Variants in TENM3 observed in about 807,000 individuals in gnomAD.
TENM3 encodes teneurin transmembrane protein 3, also known as teneurin-3.
Under a neutral mutation model 255.1 loss-of-function variants are expected in TENM3, and 63 were observed. That is an observed-to-expected ratio of 0.25 (90% CI 0.20 to 0.30). TENM3 has a LOEUF of 0.30. Ranked by LOEUF, TENM3 falls within the 10% of genes least tolerant of loss-of-function variation. The probability of loss-of-function intolerance (pLI) is 1.00; values close to 1 mark genes in which losing one functional copy is unlikely to be tolerated. For synonymous variants in TENM3, 1,306 were observed against 1,322.3 expected (o/e 0.99, Z 0.27); for missense variants, 2,929 against 3,461.1 (o/e 0.85, Z 3.86).
the TENM3 span, among the ~76,000 whole-genome samples, chr4:182,100,876 G>C: frequency 7.6e-5 from 9 of 118,300 alleles, 4 homozygotes; most frequent in Admixed American, 1.8e-4. Context: ...TATATATATA[G>C]AGAGAGAGAG....
intron 3 of TENM3, among the ~76,000 whole-genome samples, chr4:182,583,163 T>C (rs1355960393): frequency 6.6e-6 from 1 of 152,234 alleles, no homozygotes; most frequent in Non-Finnish European, 1.5e-5. Context: ...ACATCAGCTG[T>C]GGAGATCTGG....
the TENM3 span, among the ~76,000 whole-genome samples, chr4:181,478,730 A>C: frequency 1.3e-5 from 2 of 152,194 alleles, no homozygotes; most frequent in Admixed American, 6.5e-5. Context: ...TAGATGACAC[A>C]TTATTAAAAC....
chr4:182,746,780 G>A (rs769351296), intron 19 of TENM3, among the ~76,000 whole-genome samples: 3 of 152,190 alleles, frequency 2.0e-5, no homozygotes, highest in Non-Finnish European at 4.4e-5. Context: ...TAAACGGAAG[G>A]AGAGAATGGA....
chr4:181,717,505 A>C, the TENM3 span, among the ~76,000 whole-genome samples: 1 of 152,178 alleles, frequency 6.6e-6, no homozygotes, highest in Non-Finnish European at 1.5e-5. Context: ...TCTGTGTGCA[A>C]ATTGAAAGAG....
the TENM3 span, among the ~76,000 whole-genome samples, chr4:181,581,165 G>C: frequency 6.6e-6 from 1 of 152,198 alleles, no homozygotes; most frequent in South Asian, 2.1e-4. Context: ...GTTCGAATGG[G>C]TGCAGTGAGT....
At chr4:181,740,500 T>C in the TENM3 span, among the ~76,000 whole-genome samples, 1 of 152,124 alleles carries the variant, frequency 6.6e-6, no homozygotes, top group East Asian at 1.9e-4. Context: ...AGCTGTAGTT[T>C]AAGAAAGTAT....
the TENM3 span, among the ~76,000 whole-genome samples, chr4:182,083,528 A>C: frequency 6.6e-5 from 10 of 152,314 alleles, no homozygotes; most frequent in South Asian, 1.9e-3. Context: ...GTAGAAGTGC[A>C]AGAAGTGGTA....
the TENM3 span, among the ~76,000 whole-genome samples, chr4:181,780,527 T>C: frequency 6.6e-6 from 1 of 152,222 alleles, no homozygotes; most frequent in Non-Finnish European, 1.5e-5. Flanking sequence ...TTGTAGATTC[T>C]GGATATTAGC....
chr4:181,490,006 C>T, the TENM3 span, among the ~76,000 whole-genome samples: 10 of 151,988 alleles, frequency 6.6e-5, no homozygotes, highest in Admixed American at 6.6e-4. Flanking sequence ...GGAAATATGA[C>T]CTATTTTAGT....
the TENM3 span, among the ~76,000 whole-genome samples, chr4:182,100,814 T>TATAC: frequency 7.0e-5 from 1 of 14,220 alleles, no homozygotes; most frequent in African/African-American, 2.7e-4. Context: ...TATACACATA[T>TATAC]ATATACACAT....
intron 3 of TENM3, among the ~76,000 whole-genome samples, chr4:182,480,480 G>A (rs1280560110): frequency 6.6e-6 from 1 of 151,954 alleles, no homozygotes; most frequent in Non-Finnish European, 1.5e-5. Flanking sequence ...AAGTGTGAAA[G>A]AATTGTTTTT....
chr4:182,747,118 C>A (rs1762063974), intron 19 of TENM3, among the ~76,000 whole-genome samples: 1 of 151,964 alleles, frequency 6.6e-6, no homozygotes, highest in Non-Finnish European at 1.5e-5. Context: ...AGGAACAGGT[C>A]ATAGGAAGAA....
intron 5 of TENM3, chr4:182,631,638 C>G (rs906020020): frequency 6.6e-6 from 1 of 152,088 alleles, no homozygotes; most frequent in African/African-American, 2.4e-5. Context: ...TCTGATAAAC[C>G]CCAGTATCAA....
intron 6 of TENM3, among the ~76,000 whole-genome samples, chr4:182,666,480 C>G (rs1754691894): frequency 6.6e-6 from 1 of 152,196 alleles, no homozygotes; most frequent in Non-Finnish European, 1.5e-5. Context: ...CCACCTTGAT[C>G]AATCAGCTGC....
the TENM3 span, among the ~76,000 whole-genome samples, chr4:181,813,351 G>A: frequency 6.6e-6 from 1 of 152,178 alleles, no homozygotes; most frequent in Admixed American, 6.5e-5. Flanking sequence ...ACAACTCTGA[G>A]CACTTAGGAA....
intron 3 of TENM3, among the ~76,000 whole-genome samples, chr4:182,465,442 C>G (rs377640750): frequency 6.6e-6 from 1 of 152,090 alleles, no homozygotes; most frequent in East Asian, 1.9e-4. Context: ...GGAAACATGC[C>G]TTAGTAGACA....
the TENM3 span, among the ~76,000 whole-genome samples, chr4:181,643,251 G>C: frequency 2.6e-5 from 4 of 152,228 alleles, no homozygotes; most frequent in African/African-American, 7.2e-5. Flanking sequence ...TGTATTGCTA[G>C]GTATTTTATT....
chr4:182,285,581 A>C (rs1316548817), intron 1 of TENM3, among the ~76,000 whole-genome samples: 1 of 152,224 alleles, frequency 6.6e-6, no homozygotes, highest in Admixed American at 6.5e-5. Flanking sequence ...CAAGTCCTCT[A>C]GAAGGTGCAT....
chr4:182,467,333 C>G (rs1195904951), intron 3 of TENM3, among the ~76,000 whole-genome samples: 1 of 152,118 alleles, frequency 6.6e-6, no homozygotes, highest in Admixed American at 6.6e-5. Flanking sequence ...GTCAACAAAG[C>G]TGATTTGTAA....
Sources: gnomAD v4.1 joint callset for allele counts (sites outside exome capture counted in the v4.1 genomes callset) on GRCh38, gnomAD v4.1.1 for gene constraint, MANE v1.5 for transcripts, NCBI Gene and HGNC (gene_info 2026-07-23, HGNC 2026-07-21) for gene names.